Variants in CMKLR1 observed in about 807,000 individuals in gnomAD.
The protein encoded by CMKLR1 is chemerin chemokine-like receptor 1, also known as chemerin-like receptor 1.
Under a neutral mutation model 8.2 loss-of-function variants are expected in CMKLR1, and 6 were observed. That is an observed-to-expected ratio of 0.73 (90% CI 0.40 to 1.44). The LOEUF is 1.44. Ranked by LOEUF, CMKLR1 falls within the 40% of genes most tolerant of loss-of-function variation. The pLI is 0.02. For synonymous variants in CMKLR1, 178 were observed against 181.2 expected (o/e 0.98, Z 0.14); for missense variants, 429 against 478.0 (o/e 0.90, Z 0.96).
At position 108,294,993 on chromosome 12, in the gene CMKLR1, C is replaced by A. The variant is rs76455207; in HGVS notation, c.-73-1329G>T. Reference sequence around the variant, plus strand: ...GCACTCAGAGGGCTCACAATCAAAGCTTGGGTGTTATCCCACTCTATGCTG... The same window carrying A: ...GCACTCAGAGGGCTCACAATCAAAGATTGGGTGTTATCCCACTCTATGCTG... On this transcript the variant is annotated intron_variant, in intron 2 of 3. Transcript: ENST00000550402. 2.0e-4 allele frequency among the ~76,000 whole-genome samples: 30 copies of A among 152,330 alleles called. 1 individual carries two copies. In the East Asian group the frequency reaches 5.8e-3, roughly 29 times the overall value.
chr12:108,325,853 G>A lies in CMKLR1; in HGVS notation c.-74+4142C>T, dbSNP rs184418816. Among the ~76,000 whole-genome samples, 142 of 152,068 alleles carry A rather than the reference G, an allele frequency of 9.3e-4. 1 individual carries two copies. Among genetic ancestry groups the A allele is most frequent in the Admixed American group, 1.4e-3 (22 of 15,264 alleles). ...TCACTTCCACTCCCTGAACAAGGAG[G>A]GGAGGAAAATGAGTTGAAAGACAGT... On this transcript the variant is annotated intron_variant, in intron 2 of 3. Transcript: ENST00000550402.
intron 2 of CMKLR1, among the ~76,000 whole-genome samples, chr12:108,302,446 T>C (rs148150479): frequency 5.3e-4 from 80 of 152,248 alleles, no homozygotes; most frequent in Non-Finnish European, 1.1e-3. Context: ...CTGGCAAAAG[T>C]GATTTATTAA....
chr12:108,309,489 T>C (rs1218799304), intron 2 of CMKLR1, among the ~76,000 whole-genome samples: 1 of 151,406 alleles, frequency 6.6e-6, no homozygotes, highest in African/African-American at 2.4e-5. Flanking sequence ...GAGCTATGAT[T>C]GCACCACTAC....
At position 108,300,179 on chromosome 12, in the gene CMKLR1, C is replaced by T. The variant is rs141301646; in HGVS notation, c.-73-6515G>A. 3.9e-5 allele frequency among the ~76,000 whole-genome samples: 6 copies of T among 152,348 alleles called. No individual in the cohort carries two copies. The East Asian group carries it at 9.7e-4, about 25-fold the overall frequency. On this transcript the variant is annotated intron_variant, in intron 2 of 3. Coordinates refer to ENST00000550402, the MANE Select transcript of CMKLR1 (RefSeq NM_001142343.2). ...GGGCGCCATGTGGCTTGAGCTTACT[C>T]ACAGCATGGCAGCTTCAGGAGAGTG...
intron 2 of CMKLR1, among the ~76,000 whole-genome samples, chr12:108,304,094 T>C (rs1036624022): frequency 6.6e-6 from 1 of 152,178 alleles, no homozygotes; most frequent in Non-Finnish European, 1.5e-5. Context: ...GGTTGGTTGA[T>C]CGATGACAGT....
At chr12:108,324,176 ATGT>A (rs1316560721) in intron 2 of CMKLR1, among the ~76,000 whole-genome samples, 2 of 152,166 alleles carry the variant, frequency 1.3e-5, no homozygotes, top group Non-Finnish European at 2.9e-5. Flanking sequence ...TGGGAGCTGC[ATGT>A]GATCACGCTT....
intron 2 of CMKLR1, among the ~76,000 whole-genome samples, chr12:108,329,603 T>C (rs1892057486): frequency 6.6e-6 from 1 of 152,114 alleles, no homozygotes; most frequent in Non-Finnish European, 1.5e-5. Context: ...TCACTTACTG[T>C]TCTGAATGGA....
At chr12:108,328,792 G>A (rs1453771521) in intron 2 of CMKLR1, among the ~76,000 whole-genome samples, 1 of 152,186 alleles carries the variant, frequency 6.6e-6, no homozygotes, top group Non-Finnish European at 1.5e-5. Context: ...GGGTTAGTCT[G>A]GCTGCTGCAA....
intron 2 of CMKLR1, among the ~76,000 whole-genome samples, chr12:108,311,489 G>C (rs1891572422): frequency 2.6e-5 from 4 of 152,276 alleles, no homozygotes; most frequent in African/African-American, 9.6e-5. Context: ...GCCAAGTGTG[G>C]TGACACACAC....
chr12:108,326,841 G>A (rs552200492), intron 2 of CMKLR1, among the ~76,000 whole-genome samples: 1 of 152,314 alleles, frequency 6.6e-6, no homozygotes, highest in African/African-American at 2.4e-5. Context: ...TATTTTAAGT[G>A]CAAGGAAATC....
rs1451629092 is a variant in CMKLR1, at chr12:108,291,925, G to A, written c.1038C>T (p.Ser346=). The change falls in exon 4 of 4, where the codon TCC becomes TCT. Residue 346 remains serine (S), a synonymous_variant. Transcript: ENST00000550402. ...TGGTAAAGCTTCTATGGCTGGGGTA[G>A]GAAGAGTGGCCTGTATCTTCACTTA... The part of the protein sequence containing the change: ...NALSEDTGHS[S]YPSHRSFTKM... 6.2e-7 allele frequency: 1 copy of A among 1,614,206 alleles called. No homozygotes were observed. Among genetic ancestry groups the A allele is most frequent in the Non-Finnish European group, 8.5e-7 (1 of 1,180,040 alleles).
rs577139310 is a variant in CMKLR1, at chr12:108,295,617, T to C, written c.-73-1953A>G. On this transcript the variant is annotated intron_variant, in intron 2 of 3. Coordinates refer to ENST00000550402, the MANE Select transcript of CMKLR1 (RefSeq NM_001142343.2). ...GGAGTCTGAAGCTTCCTGGGGCCAA[T>C]GGCATCTGAGTTGAGTTTTAAGGAC... 2.6e-5 allele frequency among the ~76,000 whole-genome samples: 4 copies of C among 152,242 alleles called. No individual in the cohort carries two copies. In the South Asian group the frequency reaches 8.3e-4, roughly 32 times the overall value.
chr12:108,314,661 T>G (rs1169310019), intron 2 of CMKLR1, among the ~76,000 whole-genome samples: 1 of 152,232 alleles, frequency 6.6e-6, no homozygotes, highest in Non-Finnish European at 1.5e-5. Flanking sequence ...CTTTAAGTCA[T>G]TCTCCCTGAT....
At chr12:108,330,664 G>C (rs923042643) in intron 1 of CMKLR1, among the ~76,000 whole-genome samples, 4 of 152,226 alleles carry the variant, frequency 2.6e-5, no homozygotes, top group African/African-American at 9.7e-5. Context: ...AACCCCAGCA[G>C]GGATCCAGTG....
chr12:108,336,511 A>G (rs1470394883), intron 1 of CMKLR1, among the ~76,000 whole-genome samples: 2 of 151,152 alleles, frequency 1.3e-5, no homozygotes, highest in Non-Finnish European at 2.9e-5. Context: ...GCGCCACTGT[A>G]CTCCAGCCTG....
At chr12:108,310,108 G>A (rs147929448) in intron 2 of CMKLR1, among the ~76,000 whole-genome samples, 135 of 152,056 alleles carry the variant, frequency 8.9e-4, no homozygotes, top group Admixed American at 2.0e-3. Flanking sequence ...TGGAGCAGCC[G>A]AGGGAAATGA....
In CMKLR1 at chr12:108,291,887, A is replaced by G. The variant is rs762301757; in HGVS notation, c.1076T>C (p.Met359Thr). 1.8e-5 allele frequency: 29 copies of G among 1,614,156 alleles called. No homozygotes were observed. The highest frequency in any genetic ancestry group is 2.5e-5 in the Non-Finnish European group (29 of 1,180,004). The part of the protein sequence containing the change: ...SHRSFTKMSS[M>T]NERTSMNERE... Reference sequence around the variant, plus strand: ...CTCATTCATAGAAGTCCTCTCATTCATTGATGACATCTTGGTAAAGCTTCT... The same window carrying G: ...CTCATTCATAGAAGTCCTCTCATTCGTTGATGACATCTTGGTAAAGCTTCT... Residue 359 changes from methionine to threonine, a missense_variant, in exon 4 of 4, where the codon ATG (methionine) becomes ACG (threonine). Physicochemically the swap from Met to Thr is moderately conservative, Grantham distance 81. Transcript: ENST00000550402.
At chr12:108,331,206 T>A (rs1273081187) in intron 1 of CMKLR1, among the ~76,000 whole-genome samples, 1 of 152,182 alleles carries the variant, frequency 6.6e-6, no homozygotes, top group African/African-American at 2.4e-5. Flanking sequence ...TAACTCTTAC[T>A]ATCTCCTTCC....
rs191264546 is a variant in CMKLR1 at position 108,328,159 on chromosome 12, G to C, written c.-74+1836C>G. Among the ~76,000 whole-genome samples, 6 of 152,334 alleles carry C rather than the reference G, an allele frequency of 3.9e-5. No homozygotes were observed. The East Asian group carries it at 5.8e-4, about 15-fold the overall frequency. ...GCCAGACAGGGCCAGCTTCCCCCGG[G>C]AGAAGTGAGGCCAGCAAGTCAAGGT... On this transcript the variant is annotated intron_variant, in intron 2 of 3. Coordinates refer to ENST00000550402, the MANE Select transcript of CMKLR1 (RefSeq NM_001142343.2).
Sources: allele counts gnomAD v4.1 joint callset (sites outside exome capture counted in the v4.1 genomes callset), GRCh38; gene constraint gnomAD v4.1.1; transcripts MANE v1.5; gene names NCBI Gene and HGNC (gene_info 2026-07-23, HGNC 2026-07-21).